Variants in PPARGC1A observed in about 807,000 individuals in gnomAD.
PPARGC1A encodes PPARG coactivator 1 alpha, also known as peroxisome proliferator-activated receptor gamma coactivator 1-alpha.
In PPARGC1A, 25 loss-of-function variants were observed where a neutral mutation model predicts 88.7. The ratio of observed to expected loss-of-function variants is 0.28; its 90% CI spans 0.21 to 0.39. The LOEUF (loss-of-function observed/expected upper bound fraction) is 0.39, where lower values mean the gene tolerates loss of function less well. PPARGC1A is among the 10% of genes least tolerant of loss of function. PPARGC1A has a pLI of 1.00. For missense variants in PPARGC1A, 880 were observed against 968.7 expected (o/e 0.91, Z 1.22); for synonymous variants, 363 against 355.6 (o/e 1.02, Z -0.24).
chr4:24,437,862 A>AGAAGG, the PPARGC1A span, among the ~76,000 whole-genome samples: 1 of 151,760 alleles, frequency 6.6e-6, no homozygotes, highest in Non-Finnish European at 1.5e-5. Flanking sequence ...TTTTAAGTAG[A>AGAAGG]GAAGGGGTTT....
the PPARGC1A span, among the ~76,000 whole-genome samples, chr4:24,396,254 G>A: frequency 6.6e-6 from 1 of 152,186 alleles, no homozygotes; most frequent in Non-Finnish European, 1.5e-5. Flanking sequence ...GCAGGACGAT[G>A]GGGGCGGCTC....
At chr4:24,322,274 C>T in the PPARGC1A span, among the ~76,000 whole-genome samples, 2 of 152,232 alleles carry the variant, frequency 1.3e-5, no homozygotes, top group African/African-American at 2.4e-5. Flanking sequence ...TATTTTCCCC[C>T]GAGTTGAAGA....
At chr4:24,224,635 A>G in the PPARGC1A span, among the ~76,000 whole-genome samples, 1 of 152,170 alleles carries the variant, frequency 6.6e-6, no homozygotes, top group East Asian at 1.9e-4. Context: ...AAAACAGACA[A>G]AACTCCATGC....
the PPARGC1A span, among the ~76,000 whole-genome samples, chr4:24,414,528 GA>G: frequency 2.6e-5 from 4 of 152,080 alleles, no homozygotes; most frequent in Non-Finnish European, 5.9e-5. Flanking sequence ...TAAATTATAT[GA>G]TCACCCTAGT....
the PPARGC1A span, among the ~76,000 whole-genome samples, chr4:24,334,959 G>A: frequency 6.6e-6 from 1 of 152,180 alleles, no homozygotes. Context: ...CTAATTGTAA[G>A]CACTTGTACT....
the PPARGC1A span, among the ~76,000 whole-genome samples, chr4:24,047,645 A>G: frequency 2.0e-5 from 3 of 152,238 alleles, no homozygotes; most frequent in Admixed American, 6.5e-5. Context: ...CCTTGCATTT[A>G]CCCAGTTGTT....
At chr4:24,303,914 AG>A in the PPARGC1A span, among the ~76,000 whole-genome samples, 1 of 152,230 alleles carries the variant, frequency 6.6e-6, no homozygotes, top group African/African-American at 2.4e-5. Flanking sequence ...TGGCAGAAAG[AG>A]GGAAAAATGT....
At chr4:24,401,302 G>A in the PPARGC1A span, among the ~76,000 whole-genome samples, 1 of 152,052 alleles carries the variant, frequency 6.6e-6, no homozygotes, top group Non-Finnish European at 1.5e-5. Context: ...ACAGGCGTGA[G>A]CCACTGCGCC....
At chr4:23,888,959 T>C (rs2970871) in intron 1 of PPARGC1A, 559,215 of 984,754 alleles carry the variant, frequency 0.57, 159,756 homozygotes, top group African/African-American at 0.71. Flanking sequence ...CAGAAAGTTT[T>C]GCTTGTTTCC....
intron 2 of PPARGC1A, among the ~76,000 whole-genome samples, chr4:23,856,449 C>G (rs1730213394): frequency 6.6e-6 from 1 of 152,156 alleles, no homozygotes; most frequent in Non-Finnish European, 1.5e-5. Flanking sequence ...CTCAAAGCTG[C>G]AGGACACTCG....
the PPARGC1A span, among the ~76,000 whole-genome samples, chr4:24,107,711 G>T: frequency 4.9e-4 from 75 of 152,324 alleles, no homozygotes; most frequent in Non-Finnish European, 7.5e-4. Context: ...ATCAGTTGTA[G>T]TGTGTACAGT....
At chr4:24,340,693 A>G in the PPARGC1A span, among the ~76,000 whole-genome samples, 1 of 152,060 alleles carries the variant, frequency 6.6e-6, no homozygotes, top group Non-Finnish European at 1.5e-5. Flanking sequence ...ATTTTTTTTC[A>G]TAGCTGTATT....
chr4:24,009,219 G>T, the PPARGC1A span, among the ~76,000 whole-genome samples: 2 of 148,736 alleles, frequency 1.3e-5, no homozygotes, highest in South Asian at 4.3e-4. Flanking sequence ...AATTAATTGA[G>T]AATTTTATTA....
the PPARGC1A span, among the ~76,000 whole-genome samples, chr4:24,459,626 C>CA: frequency 6.6e-6 from 1 of 152,022 alleles, no homozygotes; most frequent in Non-Finnish European, 1.5e-5. Flanking sequence ...CCTGCCTCTA[C>CA]AAAAAATACA....
chr4:24,363,522 A>G, the PPARGC1A span, among the ~76,000 whole-genome samples: 1 of 152,188 alleles, frequency 6.6e-6, no homozygotes, highest in Non-Finnish European at 1.5e-5. Context: ...CTTAGTGCCA[A>G]AAAACACAGT....
chr4:23,981,902 C>G, the PPARGC1A span, among the ~76,000 whole-genome samples: 1 of 152,066 alleles, frequency 6.6e-6, no homozygotes, highest in South Asian at 2.1e-4. Flanking sequence ...TCAGGAATTA[C>G]ATAAGAGTAA....
At chr4:24,274,753 T>C in the PPARGC1A span, among the ~76,000 whole-genome samples, 1 of 152,188 alleles carries the variant, frequency 6.6e-6, no homozygotes, top group Non-Finnish European at 1.5e-5. Context: ...CAAATTCCTT[T>C]TGCTACCCAG....
At chr4:24,118,135 G>A in the PPARGC1A span, among the ~76,000 whole-genome samples, 1 of 152,110 alleles carries the variant, frequency 6.6e-6, no homozygotes, top group East Asian at 1.9e-4. Flanking sequence ...AAATCTTCCT[G>A]TCACCTGCAG....
the PPARGC1A span, among the ~76,000 whole-genome samples, chr4:24,466,718 C>T: frequency 6.6e-6 from 1 of 151,584 alleles, no homozygotes; most frequent in Non-Finnish European, 1.5e-5. Context: ...AGTTCGAGAC[C>T]AGCCTGGCCA....
Sources: gnomAD v4.1 joint callset for allele counts (sites outside exome capture counted in the v4.1 genomes callset) on GRCh38, gnomAD v4.1.1 for gene constraint, MANE v1.5 for transcripts, NCBI Gene and HGNC (gene_info 2026-07-23, HGNC 2026-07-21) for gene names.